The following PI4KA variants were observed in gnomAD, a reference collection of about 807,000 sequenced individuals.
PI4KA encodes phosphatidylinositol 4-kinase alpha.
In PI4KA, 122 loss-of-function variants were observed where a neutral mutation model predicts 271.4. The observed-to-expected ratio is 0.45, with a 90% CI of 0.39 to 0.52. The LOEUF is 0.52. PI4KA is among the 20% of genes least tolerant of loss of function. The pLI, the probability that PI4KA is intolerant of heterozygous loss-of-function variation, is 0.00. For synonymous variants in PI4KA, 1,041 were observed against 1,078.8 expected, an observed-to-expected ratio of 0.96 and a Z score of 0.69; for missense variants, 1,969 against 2,769.1, an observed-to-expected ratio of 0.71 and a Z score of 6.48.
intron 23 of PI4KA, among the ~76,000 whole-genome samples, chr22:20,754,690 C>A (rs1931083365): frequency 1.3e-5 from 2 of 152,170 alleles, no homozygotes; most frequent in Non-Finnish European, 2.9e-5. Flanking sequence ...TGGCTCACGC[C>A]CATAATCCCA....
chr22:20,806,002 C>T (rs921169999), intron 10 of PI4KA, among the ~76,000 whole-genome samples: 3 of 152,114 alleles, frequency 2.0e-5, no homozygotes, highest in African/African-American at 7.2e-5. Context: ...CCATGATGCA[C>T]GCACAAGTCA....
chr22:20,774,678 T>C (rs962429627), intron 19 of PI4KA, among the ~76,000 whole-genome samples: 3 of 151,120 alleles, frequency 2.0e-5, no homozygotes, highest in Non-Finnish European at 2.9e-5. Flanking sequence ...GGAGAATCGC[T>C]TAAACCCGGG....
chr22:20,730,524 C>T (rs1015392207), intron 36 of PI4KA, among the ~76,000 whole-genome samples: 13 of 151,988 alleles, frequency 8.6e-5, no homozygotes, highest in African/African-American at 3.1e-4. Context: ...ATCCACCCAC[C>T]TCGGCCTCCC....
chr22:20,793,808 T>C (rs188842359), intron 18 of PI4KA, among the ~76,000 whole-genome samples: 43 of 152,384 alleles, frequency 2.8e-4, no homozygotes, highest in African/African-American at 9.4e-4. Flanking sequence ...TAATAAAAGA[T>C]AGACTCTCTG....
intron 30 of PI4KA, 146 bp from the exon 31 acceptor site, chr22:20,742,910 C>T (rs1421721738): frequency 1.5e-6 from 1 of 665,800 alleles, no homozygotes; most frequent in Non-Finnish European, 2.7e-6. Context: ...GAGACAGGCT[C>T]ATTTCAATGA....
chr22:20,725,013 G>T (rs1205072774), intron 42 of PI4KA, among the ~76,000 whole-genome samples: 1 of 152,246 alleles, frequency 6.6e-6, no homozygotes, highest in Admixed American at 6.5e-5. Flanking sequence ...GCACTACCTA[G>T]TGAGGGCAGT....
intron 23 of PI4KA, among the ~76,000 whole-genome samples, chr22:20,755,408 T>C (rs1931175284): frequency 6.6e-6 from 1 of 152,154 alleles, no homozygotes; most frequent in African/African-American, 2.4e-5. Context: ...CATTTCTCCA[T>C]GGAGCCCTGG....
In PI4KA at chr22:20,820,414, A is replaced by G. The variant is rs146534257; in HGVS notation, c.529+125T>C. 9.6e-4 allele frequency: 646 copies of G among 670,822 alleles called. 4 individuals carry two copies. In the African/African-American group the frequency reaches 0.011, roughly 11 times the overall value. The allele number at this position is 670,822 out of a possible 1,614,324, so 41.6% of individuals were successfully genotyped here. A position where few individuals can be genotyped will look rare whatever the true frequency, so the allele number is the denominator to read the frequency against. On this transcript the variant is annotated intron_variant, in intron 5 of 54. Coordinates refer to ENST00000255882, the MANE Select transcript of PI4KA (RefSeq NM_058004.4). ...AGGATACTAACACACAACAAATCAA[A>G]CTAAAATAGGAAGGTTTTCTCCCAT...
At chr22:20,847,952 T>C (rs763285423) in intron 1 of PI4KA, among the ~76,000 whole-genome samples, 18 of 151,970 alleles carry the variant, frequency 1.2e-4, no homozygotes, top group Non-Finnish European at 2.5e-4. Flanking sequence ...TAGATGGCAA[T>C]ACAGGCCGAG....
intron 32 of PI4KA, among the ~76,000 whole-genome samples, chr22:20,737,234 G>C (rs1454554352): frequency 6.6e-6 from 1 of 152,174 alleles, no homozygotes; most frequent in East Asian, 1.9e-4. Context: ...TTATTCTGGA[G>C]GATGAAAGGG....
chr22:20,796,023 A>T, intron 18 of PI4KA, 123 bp downstream of exon 18: 4 of 886,920 alleles, frequency 4.5e-6, no homozygotes, highest in Non-Finnish European at 3.5e-6. Context: ...CTTGCATTCC[A>T]GGCACATTTA....
chr22:20,798,558 A>T, intron 17 of PI4KA, 26 bp downstream of exon 17: 1 of 1,322,530 alleles, frequency 7.6e-7, no homozygotes, highest in Non-Finnish European at 1.1e-6. Context: ...TGTCATGATA[A>T]AAAAGTGACA....
At chr22:20,815,829 G>A (rs1921729837) in intron 7 of PI4KA, among the ~76,000 whole-genome samples, 1 of 152,202 alleles carries the variant, frequency 6.6e-6, no homozygotes, top group Non-Finnish European at 1.5e-5. Context: ...TATGGGCTAA[G>A]TCCTGTGTGG....
intron 3 of PI4KA, among the ~76,000 whole-genome samples, chr22:20,831,960 A>G (rs987284787): frequency 5.3e-5 from 8 of 152,114 alleles, no homozygotes; most frequent in African/African-American, 1.9e-4. Context: ...AGGGACACCA[A>G]TGAGTTGTAT....
At chr22:20,761,509 C>T (rs1931969167) in intron 22 of PI4KA, 123 bp from the exon 23 acceptor site, 1 of 687,400 alleles carries the variant, frequency 1.5e-6, no homozygotes, top group East Asian at 2.7e-5. Context: ...CATAAGGGTG[C>T]ACACTGAGGT....
intron 44 of PI4KA, 26 bp downstream of exon 44, chr22:20,718,667 G>A: frequency 3.7e-6 from 6 of 1,611,912 alleles, no homozygotes; most frequent in Non-Finnish European, 4.2e-6. Flanking sequence ...GATCCCAGAA[G>A]GTGGTTTCTG....
chr22:20,716,858 C>T (rs1271896270), intron 45 of PI4KA, among the ~76,000 whole-genome samples: 4 of 152,210 alleles, frequency 2.6e-5, no homozygotes, highest in Non-Finnish European at 5.9e-5. Flanking sequence ...ATGGTTAAAC[C>T]GGGGTCCTGC....
At chr22:20,779,303 C>T (rs762053133) in intron 19 of PI4KA, 2 of 1,614,144 alleles carry the variant, frequency 1.2e-6, no homozygotes, top group South Asian at 1.1e-5. Flanking sequence ...CCAGCTTTAG[C>T]TCCGCCAAAA....
chr22:20,714,811 C>A lies in PI4KA; in HGVS notation c.5318-111G>T, dbSNP rs1925767899. ...GTGTCCACCCTGCAGGCACACCCCG[C>A]CCCTGTGGAGGGGCCTCTGGTCCTT... On this transcript the variant is annotated intron_variant, in intron 45 of 54. Coordinates refer to ENST00000255882, the MANE Select transcript of PI4KA (RefSeq NM_058004.4). 1.2e-5 allele frequency: 16 copies of A among 1,311,582 alleles called. No homozygotes were observed. In the South Asian group the frequency reaches 1.3e-4, roughly 11 times the overall value. 81.2% of individuals were successfully genotyped at this position (1,311,582 alleles called of 1,614,324 possible).
Sources: gnomAD v4.1 joint callset for allele counts (sites outside exome capture counted in the v4.1 genomes callset) on GRCh38, gnomAD v4.1.1 for gene constraint, MANE v1.5 for transcripts, NCBI Gene and HGNC (gene_info 2026-07-23, HGNC 2026-07-21) for gene names.